Variants in EYS observed in about 807,000 individuals in gnomAD.
The protein encoded by EYS is EGF-like photoreceptor maintenance factor, also known as protein eyes shut homolog.
Under a neutral mutation model 282.1 loss-of-function variants are expected in EYS, and 250 were observed. That is an observed-to-expected ratio of 0.89 (90% confidence interval 0.80 to 0.98). The LOEUF (loss-of-function observed/expected upper bound fraction) is 0.98, where lower values mean the gene tolerates loss of function less well. EYS is among the 50% of genes least tolerant of loss of function. The probability of loss-of-function intolerance (pLI) is 0.00; values close to 1 mark genes in which losing one functional copy is unlikely to be tolerated. For synonymous variants in EYS, 1,355 were observed against 1,282.9 expected, an observed-to-expected ratio of 1.06 and a Z score of -1.20; for missense variants, 4,016 against 3,709.0, an observed-to-expected ratio of 1.08 and a Z score of -2.15.
chr6:64,531,549 G>GTTTATTTTATTTTATTTGATTTTAT (rs1764336179), intron 26 of EYS, among the ~76,000 whole-genome samples: 5 of 124,088 alleles, frequency 4.0e-5, no homozygotes, highest in African/African-American at 5.8e-5. Context: ...ACCACGCCTG[G>GTTTATTTTATTTTATTTGATTTTAT]TTTATTTTAT....
At chr6:65,126,459 A>AATTTTCC (rs1775720477) in intron 12 of EYS, among the ~76,000 whole-genome samples, 2 of 152,242 alleles carry the variant, frequency 1.3e-5, no homozygotes, top group Middle Eastern at 6.8e-3. Flanking sequence ...AGGCTGCTTG[A>AATTTTCC]ATTTTCCATC....
chr6:63,741,546 A>G (rs7764184), intron 41 of EYS, among the ~76,000 whole-genome samples: 1 of 151,992 alleles, frequency 6.6e-6, no homozygotes, highest in Non-Finnish European at 1.5e-5. Context: ...ATCAAAGATC[A>G]AGAAAAAGAT....
chr6:64,451,571 G>A (rs897593015), intron 26 of EYS, among the ~76,000 whole-genome samples: 37 of 152,256 alleles, frequency 2.4e-4, no homozygotes, highest in Middle Eastern at 3.4e-3. Context: ...GAGAATTTTA[G>A]ACCAATATCC....
At chr6:64,052,686 T>C (rs1770848272) in intron 33 of EYS, among the ~76,000 whole-genome samples, 1 of 152,140 alleles carries the variant, frequency 6.6e-6, no homozygotes, top group Non-Finnish European at 1.5e-5. Flanking sequence ...AATCCTCACG[T>C]GTTAAGGGCG....
rs1773241062 is a variant in EYS, at chr6:64,763,904, T to C, written c.3443+49474A>G. ...GTCATTAAATATTAAAGGACCAAAA[T>C]AATGCCCTCTGACTCTATGTCTCAC... On this transcript the variant is annotated intron_variant, in intron 22 of 42. Transcript: ENST00000503581. 3.3e-5 allele frequency among the ~76,000 whole-genome samples: 5 copies of C among 152,198 alleles called. No homozygotes were observed. In the South Asian group the frequency reaches 1.0e-3, roughly 32 times the overall value.
At chr6:63,837,531 C>T (rs897619599) in intron 36 of EYS, among the ~76,000 whole-genome samples, 1 of 152,038 alleles carries the variant, frequency 6.6e-6, no homozygotes, top group Non-Finnish European at 1.5e-5. Context: ...GGTACTCTAA[C>T]CTTCTAATTA....
At chr6:65,677,865 T>A (rs1336227300) in intron 1 of EYS, among the ~76,000 whole-genome samples, 1 of 151,904 alleles carries the variant, frequency 6.6e-6, no homozygotes, top group Admixed American at 6.6e-5. Context: ...TGAAACAAGT[T>A]TGAGGGTGCA....
chr6:63,849,444 C>G (rs1053749724), intron 36 of EYS, among the ~76,000 whole-genome samples: 1 of 152,170 alleles, frequency 6.6e-6, no homozygotes, highest in Non-Finnish European at 1.5e-5. Context: ...AGAGCACTGG[C>G]TGGCATCTGT....
intron 33 of EYS, among the ~76,000 whole-genome samples, chr6:64,030,408 C>T (rs749564672): frequency 5.9e-5 from 9 of 152,292 alleles, no homozygotes; most frequent in Middle Eastern, 3.4e-3. Context: ...CAAGAAATAA[C>T]GAAATCTATT....
Position 64,946,019 on chromosome 6 carries a change from T to G in EYS, c.2260-105A>C, listed in dbSNP as rs1007916837. The G allele has an allele frequency of 4.5e-5, 43 of 956,198 alleles. No homozygotes were observed. The South Asian group carries it at 5.5e-4, about 12-fold the overall frequency. The allele number at this position is 956,198 out of a possible 1,614,324, so 59.2% of individuals were successfully genotyped here. ...TTGATATCTCTGTCAATTTATAATT[T>G]TTTTAGTTTTATAGAATGCCAATAC... is the stretch of plus-strand genomic sequence containing the variant. On this transcript the variant is annotated intron_variant, in intron 14 of 42. Transcript: ENST00000503581.
chr6:64,863,794 G>T (rs1181590873), intron 19 of EYS, among the ~76,000 whole-genome samples: 1 of 152,256 alleles, frequency 6.6e-6, no homozygotes, highest in African/African-American at 2.4e-5. Flanking sequence ...TGTTGTCTAT[G>T]AAAGTGCAGG....
intron 29 of EYS, among the ~76,000 whole-genome samples, chr6:64,336,766 A>G (rs1253616325): frequency 6.6e-6 from 1 of 152,110 alleles, no homozygotes; most frequent in Non-Finnish European, 1.5e-5. Flanking sequence ...TTGAAATTAT[A>G]TGAAGCACTC....
At chr6:64,276,877 T>C (rs1768132595) in intron 30 of EYS, among the ~76,000 whole-genome samples, 1 of 152,064 alleles carries the variant, frequency 6.6e-6, no homozygotes, top group Non-Finnish European at 1.5e-5. Flanking sequence ...CATCAGCTAG[T>C]CTCAAAATAG....
chr6:63,799,905 GA>G (rs1294686543), intron 37 of EYS, among the ~76,000 whole-genome samples: 4 of 152,194 alleles, frequency 2.6e-5, no homozygotes, highest in African/African-American at 9.7e-5. Flanking sequence ...CAGGCAAGAG[GA>G]AGCTTGACGG....
rs183937472 is a variant in EYS at position 64,320,211 on chromosome 6, T to G, written c.6079-13129A>C. Among the ~76,000 whole-genome samples, 1,197 of 152,082 alleles carry G rather than the reference T, an allele frequency of 7.9e-3. 4 individuals are homozygous for G. Among genetic ancestry groups the G allele is most frequent in the Non-Finnish European group, 0.012 (846 of 67,908 alleles). ...ATTAGGTTTTATTAAGATTATTAGA[T>G]ATATTGTTTGATATTTTTCTTCAAA... On this transcript the variant is annotated intron_variant, in intron 29 of 42. Transcript: ENST00000503581.
At chr6:65,086,569 G>C (rs754518676) in intron 12 of EYS, among the ~76,000 whole-genome samples, 1 of 152,088 alleles carries the variant, frequency 6.6e-6, no homozygotes, top group Non-Finnish European at 1.5e-5. Flanking sequence ...CTTAAAAGGA[G>C]AAATAAGGAT....
intron 9 of EYS, among the ~76,000 whole-genome samples, chr6:65,349,578 A>G (rs1770525186): frequency 1.3e-5 from 2 of 151,534 alleles, no homozygotes; most frequent in Non-Finnish European, 3.0e-5. Flanking sequence ...GATATACAAC[A>G]TGATATTTTG....
intron 26 of EYS, among the ~76,000 whole-genome samples, chr6:64,467,085 G>A (rs1437463346): frequency 3.3e-5 from 5 of 152,074 alleles, no homozygotes; most frequent in Non-Finnish European, 7.4e-5. Flanking sequence ...TCAAATAAAT[G>A]TGTAAAAGTC....
At chr6:64,785,956 C>A (rs1480377981) in intron 22 of EYS, among the ~76,000 whole-genome samples, 1 of 152,070 alleles carries the variant, frequency 6.6e-6, no homozygotes, top group Non-Finnish European at 1.5e-5. Flanking sequence ...TGGCAATCAC[C>A]AACAAAATAA....
Sources: allele counts gnomAD v4.1 joint callset (sites outside exome capture counted in the v4.1 genomes callset), GRCh38; gene constraint gnomAD v4.1.1; transcripts MANE v1.5; gene names NCBI Gene and HGNC (gene_info 2026-07-23, HGNC 2026-07-21).